CAMTA1: variants seen among roughly 807,000 people sequenced by gnomAD.
The protein encoded by CAMTA1 is calmodulin-binding transcription activator 1.
CAMTA1 carries 27 observed loss-of-function variants against 170.9 expected under a neutral mutation model. That is an observed-to-expected ratio of 0.16 (90% CI 0.12 to 0.22). The LOEUF (loss-of-function observed/expected upper bound fraction) is 0.22. Among genes scored for constraint, CAMTA1 ranks in the 10% least tolerant of loss-of-function variants. The pLI, the probability that CAMTA1 is intolerant of heterozygous loss-of-function variation, is 1.00. For missense variants in CAMTA1, 1,619 were observed against 2,217.2 expected, an observed-to-expected ratio of 0.73 and a Z score of 5.42; for synonymous variants, 833 against 891.5, an observed-to-expected ratio of 0.93 and a Z score of 1.17.
At chr1:7,153,384 G>C (rs1016582837) in intron 4 of CAMTA1, among the ~76,000 whole-genome samples, 4 of 152,118 alleles carry the variant, frequency 2.6e-5, no homozygotes, top group Non-Finnish European at 5.9e-5. Flanking sequence ...GCACACACCT[G>C]CTGTCCAAAC....
At chr1:7,210,650 AATT>A (rs1658589476) in intron 4 of CAMTA1, among the ~76,000 whole-genome samples, 1 of 152,206 alleles carries the variant, frequency 6.6e-6, no homozygotes, top group Non-Finnish European at 1.5e-5. Context: ...TGTCTGAATC[AATT>A]ATTATAATGC....
intron 6 of CAMTA1, among the ~76,000 whole-genome samples, chr1:7,472,667 A>C (rs1176327456): frequency 6.6e-6 from 1 of 152,164 alleles, no homozygotes; most frequent in African/African-American, 2.4e-5. Context: ...CTCAGCCTGG[A>C]TGCTGTCTGC....
At chr1:7,560,298 C>T (rs760187488) in intron 6 of CAMTA1, among the ~76,000 whole-genome samples, 5 of 152,200 alleles carry the variant, frequency 3.3e-5, no homozygotes, top group African/African-American at 4.8e-5. Context: ...CCCCTGGGGT[C>T]GCTTGTGTCC....
chr1:7,386,451 C>G (rs2087999816), intron 5 of CAMTA1, among the ~76,000 whole-genome samples: 1 of 152,202 alleles, frequency 6.6e-6, no homozygotes, highest in Non-Finnish European at 1.5e-5. Flanking sequence ...TCAACCTTGC[C>G]AAGGGGCTGG....
At chr1:7,414,263 C>G (rs2090997517) in intron 5 of CAMTA1, among the ~76,000 whole-genome samples, 1 of 152,174 alleles carries the variant, frequency 6.6e-6, no homozygotes, top group Admixed American at 6.5e-5. Flanking sequence ...CAGGATGATG[C>G]TGGCCTCATA....
intron 5 of CAMTA1, among the ~76,000 whole-genome samples, chr1:7,358,956 C>G (rs2085336573): frequency 6.6e-6 from 1 of 152,084 alleles, no homozygotes; most frequent in Admixed American, 6.5e-5. Flanking sequence ...GGCCCTGGAG[C>G]CTGGCAGCTT....
intron 4 of CAMTA1, among the ~76,000 whole-genome samples, chr1:7,159,410 A>G (rs1647072548): frequency 6.6e-6 from 1 of 151,916 alleles, no homozygotes. Context: ...CTCCAGCCCA[A>G]ACAGAAGACA....
At chr1:7,432,685 G>A (rs997512758) in intron 5 of CAMTA1, among the ~76,000 whole-genome samples, 45 of 152,314 alleles carry the variant, frequency 3.0e-4, no homozygotes, top group African/African-American at 1.1e-3. Flanking sequence ...AGGGAATCTG[G>A]CTGCTCCCCA....
chr1:6,860,762 A>G (rs1571057507), intron 3 of CAMTA1, among the ~76,000 whole-genome samples: 1 of 152,014 alleles, frequency 6.6e-6, no homozygotes, highest in Non-Finnish European at 1.5e-5. Flanking sequence ...AATACAAAAA[A>G]TTAGCCTGGC....
chr1:6,885,999 T>G (rs551123285), intron 3 of CAMTA1, among the ~76,000 whole-genome samples: 1 of 152,326 alleles, frequency 6.6e-6, no homozygotes, highest in African/African-American at 2.4e-5. Flanking sequence ...GTGCGGGCCC[T>G]TGCCATAGCA....
rs781121852 is a variant in CAMTA1, at chr1:6,934,106, G to A, written c.234+108896G>A. 5.3e-5 allele frequency among the ~76,000 whole-genome samples: 8 copies of A among 152,210 alleles called. No homozygotes were observed. Among genetic ancestry groups the A allele is most frequent in the Non-Finnish European group, 1.0e-4 (7 of 68,040 alleles). On this transcript the variant is annotated intron_variant, in intron 3 of 22. Transcript: ENST00000303635. The surrounding 1 kb of genome is among the most constrained non-coding windows in gnomAD (Gnocchi z 4.5). ...CCACCTGCTGTCCTGCCACACCGGT[G>A]GGTGTAGGACCATATGAGTGACTGA...
rs79305150 is a variant in CAMTA1, at chr1:7,612,521, C to T, written c.511-27879C>T. On this transcript the variant is annotated intron_variant, in intron 6 of 22. Coordinates refer to ENST00000303635, the MANE Select transcript of CAMTA1 (RefSeq NM_015215.4). The stretch of plus-strand genomic sequence containing the variant: ...AAAAGGCAACATTTGGGCGCAGAAA[C>T]AGGATTGCCTGTTCCCATTTAGGGC... Among the ~76,000 whole-genome samples the T allele has an allele frequency of 4.3e-3, 650 of 152,312 alleles. 4 individuals are homozygous for T. The highest frequency in any genetic ancestry group is 0.014 in the African/African-American group (600 of 41,562).
intron 5 of CAMTA1, among the ~76,000 whole-genome samples, chr1:7,453,353 A>C (rs931543067): frequency 6.6e-6 from 1 of 152,198 alleles, no homozygotes; most frequent in Non-Finnish European, 1.5e-5. Context: ...CTGCAGAGTC[A>C]GGGGTGGGCC....
intron 5 of CAMTA1, among the ~76,000 whole-genome samples, chr1:7,335,381 A>G (rs2083318053): frequency 6.6e-6 from 1 of 152,216 alleles, no homozygotes; most frequent in Non-Finnish European, 1.5e-5. Context: ...AAACAAACAT[A>G]TAGGTCAAAT....
At chr1:7,266,986 G>A (rs146799793) in intron 5 of CAMTA1, among the ~76,000 whole-genome samples, 23 of 152,326 alleles carry the variant, frequency 1.5e-4, no homozygotes, top group Non-Finnish European at 2.6e-4. Flanking sequence ...TGATGGGATC[G>A]TAGCAGGGGT....
At chr1:6,822,550 T>C (rs1469601646) in intron 2 of CAMTA1, among the ~76,000 whole-genome samples, 1 of 152,134 alleles carries the variant, frequency 6.6e-6, no homozygotes, top group Non-Finnish European at 1.5e-5. Context: ...ATTCTGGAAA[T>C]GGTACACTTT....
chr1:7,295,230 T>C (rs1485665801), intron 5 of CAMTA1, among the ~76,000 whole-genome samples: 1 of 152,088 alleles, frequency 6.6e-6, no homozygotes, highest in African/African-American at 2.4e-5. Context: ...ACATGGACAA[T>C]GCTGGGAACA....
chr1:7,663,895 T>C lies in CAMTA1; in HGVS notation c.1348T>C (p.Ser450Pro). The change falls in exon 9 of 23, where the codon TCG (serine) becomes CCG (proline). Residue 450 changes from serine to proline, a missense_variant. Coordinates refer to ENST00000303635, the MANE Select transcript of CAMTA1 (RefSeq NM_015215.4). ...GTTCGCCTTTCCCACCACGGGCAGC[T>C]CGGAGAGCCTGTCCATGCTGCCCAC... The part of the protein sequence containing the change: ...HKFAFPTTGS[S>P]ESLSMLPTNV... 1 of 1,613,906 alleles carries C rather than the reference T, an allele frequency of 6.2e-7. No homozygotes were observed. The highest frequency in any genetic ancestry group is 8.5e-7 in the Non-Finnish European group (1 of 1,180,012).
chr1:7,215,181 G>A (rs114096476), intron 4 of CAMTA1, among the ~76,000 whole-genome samples: 249 of 151,800 alleles, frequency 1.6e-3, no homozygotes, highest in African/African-American at 5.3e-3. Context: ...AAAAAGACCC[G>A]AAATTTTGGT....
Sources: allele counts gnomAD v4.1 joint callset (sites outside exome capture counted in the v4.1 genomes callset), GRCh38; gene constraint gnomAD v4.1.1; non-coding constraint Gnocchi (gnomAD v3.1); transcripts MANE v1.5; gene names NCBI Gene and HGNC (gene_info 2026-07-23, HGNC 2026-07-21).